FAXDC2: variants seen among roughly 807,000 people sequenced by gnomAD.
FAXDC2 encodes the protein fatty acid hydroxylase domain-containing protein 2.
FAXDC2 carries 41 observed loss-of-function variants against 40.9 expected under a neutral mutation model. That is an observed-to-expected ratio of 1.00 (90% CI 0.78 to 1.30). The LOEUF (loss-of-function observed/expected upper bound fraction) is 1.30. FAXDC2 is among the 50% of genes most tolerant of loss of function. The pLI is 0.00. For synonymous variants in FAXDC2, 157 were observed against 149.3 expected, an observed-to-expected ratio of 1.05 and a Z score of -0.38; for missense variants, 390 against 408.8, an observed-to-expected ratio of 0.95 and a Z score of 0.40.
In FAXDC2 at chr5:154,824,538, C is replaced by T. The variant is rs563972396; in HGVS notation, c.367-946G>A. The T allele has an allele frequency of 9.6e-4, 672 of 702,558 alleles. 4 individuals carry two copies. Among genetic ancestry groups the T allele is most frequent in the Non-Finnish European group, 7.3e-4 (281 of 385,004 alleles). The allele number at this position is 702,558 out of a possible 1,614,324, so 43.5% of individuals were successfully genotyped here. A position where few individuals can be genotyped will look rare whatever the true frequency, so the allele number is the denominator to read the frequency against. On this transcript the variant is annotated intron_variant, in intron 5 of 8. Transcript: ENST00000326080. ...CTCTTTGTTTACTTCCATCCCATTG[C>T]GAGGCCAGGTCTCGCCAGCCTGTTG...
intron 5 of FAXDC2, 176 bp downstream of exon 5, chr5:154,830,623 ACT>A: frequency 1.7e-6 from 1 of 604,582 alleles, no homozygotes. Flanking sequence ...TAGCTGAGTG[ACT>A]CTGAGGTTGT....
At position 154,825,650 on chromosome 5, in the gene FAXDC2, C is replaced by CAAAAAAAAAAAAAAAAAAAAAAAAA. The variant is rs386358555; in HGVS notation, c.367-2059_367-2058insTTTTTTTTTTTTTTTTTTTTTTTTT. 3.4e-3 allele frequency among the ~76,000 whole-genome samples: 101 copies of CAAAAAAAAAAAAAAAAAAAAAAAAA among 30,128 alleles called. 36 individuals carry two copies. The highest frequency in any genetic ancestry group is 4.1e-3 in the Non-Finnish European group (70 of 17,280). 19.8% of individuals were successfully genotyped at this position (30,128 alleles called of 152,430 possible). ...TGGGTGACAGAGTGAGACTCCGTCT[C>CAAAAAAAAAAAAAAAAAAAAAAAAA]AAAAAAAAAAAAAAAAAAGCAGTAA... is the stretch of plus-strand genomic sequence containing the variant. On this transcript the variant is annotated intron_variant, in intron 5 of 8. Coordinates refer to ENST00000326080, the MANE Select transcript of FAXDC2 (RefSeq NM_032385.5).
intron 1 of FAXDC2, among the ~76,000 whole-genome samples, chr5:154,843,696 A>G (rs1265441414): frequency 2.0e-5 from 3 of 152,248 alleles, no homozygotes; most frequent in African/African-American, 4.8e-5. Context: ...TAAACAAGAT[A>G]GATAGAAGAG....
chr5:154,842,562 A>G (rs1447110583), intron 1 of FAXDC2, among the ~76,000 whole-genome samples: 19 of 109,584 alleles, frequency 1.7e-4, no homozygotes, highest in Non-Finnish European at 2.7e-4. Context: ...TCACTCTGTC[A>G]CCCAGGCTGG....
At chr5:154,835,044 G>A (rs1760285264) in intron 2 of FAXDC2, 110 bp from the exon 3 acceptor site, 6 of 702,318 alleles carry the variant, frequency 8.5e-6, no homozygotes, top group Non-Finnish European at 1.3e-5. Context: ...CAACCAACCA[G>A]GAAGGCACAT....
Position 154,827,259 on chromosome 5 carries a change from C to T in FAXDC2, c.366+3542G>A, listed in dbSNP as rs1433163366. Among the ~76,000 whole-genome samples the T allele has an allele frequency of 5.3e-5, 8 of 150,566 alleles. No individual in the cohort carries two copies. The South Asian group carries it at 1.3e-3, about 24-fold the overall frequency. On this transcript the variant is annotated intron_variant, in intron 5 of 8. Coordinates refer to ENST00000326080, the MANE Select transcript of FAXDC2 (RefSeq NM_032385.5). ...AGTGGAGGTTACGGTGAGCCAAGAT[C>T]GCAGTGCCACTGCACTCCAGCCTGG...
intron 1 of FAXDC2, among the ~76,000 whole-genome samples, chr5:154,847,639 C>T (rs1392967323): frequency 1.3e-5 from 2 of 151,426 alleles, no homozygotes; most frequent in East Asian, 3.9e-4. Flanking sequence ...AGGCACCCAC[C>T]CCCACCATGC....
intron 2 of FAXDC2, among the ~76,000 whole-genome samples, chr5:154,836,725 A>C (rs1481241783): frequency 6.6e-6 from 1 of 151,918 alleles, no homozygotes. Context: ...GTCTCGGCTC[A>C]CTGCAATCTC....
intron 1 of FAXDC2, among the ~76,000 whole-genome samples, chr5:154,843,284 G>A (rs1390624173): frequency 6.6e-6 from 1 of 152,162 alleles, no homozygotes; most frequent in East Asian, 1.9e-4. Flanking sequence ...CCTTTTCCCT[G>A]TCTTATCAAC....
At chr5:154,827,421 TTGTGTGTGTGTGTGTGTG>T (rs10528622) in intron 5 of FAXDC2, among the ~76,000 whole-genome samples, 5 of 138,590 alleles carry the variant, frequency 3.6e-5, no homozygotes, top group Admixed American at 7.2e-5. Flanking sequence ...TTCTGTTATT[TTGTGTGTGTGTGTGTGTG>T]TGTGTGTGTG....
intron 4 of FAXDC2, chr5:154,831,445 T>C (rs1198073305): frequency 6.7e-6 from 1 of 149,218 alleles, no homozygotes; most frequent in East Asian, 1.9e-4. Context: ...TTTTTTTTTG[T>C]TGTTTGTTTG....
chr5:154,824,790 T>G (rs1759980263), intron 5 of FAXDC2: 4 of 502,280 alleles, frequency 8.0e-6, no homozygotes, highest in Non-Finnish European at 1.4e-5. Flanking sequence ...ACAACAAATA[T>G]AAAAACATAT....
chr5:154,836,754 G>A (rs928680064), intron 2 of FAXDC2, among the ~76,000 whole-genome samples: 1 of 152,010 alleles, frequency 6.6e-6, no homozygotes, highest in Non-Finnish European at 1.5e-5. Context: ...AAGTTCAAGC[G>A]ATTCTTGCCT....
At chr5:154,822,117 AT>A (rs1184163650) in intron 7 of FAXDC2, 1 of 192,384 alleles carries the variant, frequency 5.2e-6, no homozygotes, top group African/African-American at 2.4e-5. Context: ...GGTCTCAGCT[AT>A]TTGGAAGTGC....
chr5:154,834,508 T>A, intron 4 of FAXDC2, 117 bp downstream of exon 4: 1 of 747,132 alleles, frequency 1.3e-6, no homozygotes. Flanking sequence ...GAAGTTCAAG[T>A]CCTCATCCCT....
At chr5:154,843,194 T>G (rs1455763319) in intron 1 of FAXDC2, among the ~76,000 whole-genome samples, 3 of 152,196 alleles carry the variant, frequency 2.0e-5, no homozygotes, top group Non-Finnish European at 4.4e-5. Flanking sequence ...GGGGTTTGTT[T>G]GTTTGCTTTT....
At chr5:154,842,512 GTTTTTTTTTTTTTTTT>G (rs772426610) in intron 1 of FAXDC2, among the ~76,000 whole-genome samples, 3 of 51,586 alleles carry the variant, frequency 5.8e-5, no homozygotes, top group African/African-American at 2.3e-4. Context: ...CCCTTTGTGT[GTTTTTTTTTTTTTTTT>G]TTTTTTTTTT....
At chr5:154,835,737 C>T (rs937688634) in intron 2 of FAXDC2, among the ~76,000 whole-genome samples, 2 of 151,722 alleles carry the variant, frequency 1.3e-5, no homozygotes, top group Admixed American at 1.3e-4. Flanking sequence ...CCCGCCACCA[C>T]ACCCGGCTAA....
intron 5 of FAXDC2, among the ~76,000 whole-genome samples, chr5:154,825,628 G>A (rs1230958720): frequency 3.4e-5 from 2 of 58,528 alleles, no homozygotes; most frequent in African/African-American, 1.2e-4. Flanking sequence ...TCCAGCCTGG[G>A]TGACAGAGTG....
Sources: gnomAD v4.1 joint callset for allele counts (sites outside exome capture counted in the v4.1 genomes callset) on GRCh38, gnomAD v4.1.1 for gene constraint, MANE v1.5 for transcripts, NCBI Gene and HGNC (gene_info 2026-07-23, HGNC 2026-07-21) for gene names.